The following FRMPD4 variants were observed in gnomAD, a reference collection of about 807,000 sequenced individuals.
FRMPD4 encodes FERM and PDZ domain-containing protein 4.
FRMPD4 carries 22 observed loss-of-function variants against 94.1 expected under a neutral mutation model. That is an observed-to-expected ratio of 0.23 (90% CI 0.17 to 0.33). FRMPD4 has a LOEUF of 0.33. Ranked by LOEUF, FRMPD4 falls within the 10% of genes least tolerant of loss-of-function variation. The probability of loss-of-function intolerance (pLI) is 1.00; values close to 1 mark genes in which losing one functional copy is unlikely to be tolerated. For missense variants in FRMPD4, 1,111 were observed against 1,339.9 expected, an observed-to-expected ratio of 0.83 and a Z score of 2.67; for synonymous variants, 631 against 548.6, an observed-to-expected ratio of 1.15 and a Z score of -2.10.
chrX:12,545,146 G>A (rs1488262582), intron 2 of FRMPD4, among the ~76,000 whole-genome samples: 1 of 112,074 alleles, frequency 8.9e-6, no homozygotes, highest in Non-Finnish European at 1.9e-5. Context: ...GAATTTTGTT[G>A]ATTCTAGAGG....
chrX:12,143,476 G>A (rs1223098417), intron 1 of FRMPD4, among the ~76,000 whole-genome samples: 2 of 112,629 alleles, frequency 1.8e-5, no homozygotes, highest in South Asian at 3.7e-4. Flanking sequence ...AGATGCCACA[G>A]AGACCTTATG....
intron 1 of FRMPD4, among the ~76,000 whole-genome samples, chrX:12,242,985 T>G (rs1352571389): frequency 8.9e-6 from 1 of 112,602 alleles, no homozygotes; most frequent in Non-Finnish European, 1.9e-5. Flanking sequence ...GCAATCCTCC[T>G]TCCTTGGCCT....
At chrX:11,917,745 AG>A (rs922661098) in intron 3 of FRMPD4, among the ~76,000 whole-genome samples, 2 of 111,086 alleles carry the variant, frequency 1.8e-5, no homozygotes, top group African/African-American at 6.6e-5. Context: ...GGAGGGAGGA[AG>A]GGAGGGAGGA....
chrX:11,969,008 G>A (rs2054326289), intron 3 of FRMPD4, among the ~76,000 whole-genome samples: 1 of 112,283 alleles, frequency 8.9e-6, no homozygotes, highest in Non-Finnish European at 1.9e-5. Flanking sequence ...CTTATGTGAG[G>A]CAGTGAAATT....
At chrX:12,318,781 G>A (rs2055163682) in intron 1 of FRMPD4, among the ~76,000 whole-genome samples, 1 of 110,939 alleles carries the variant, frequency 9.0e-6, no homozygotes, top group Non-Finnish European at 1.9e-5. Flanking sequence ...GATTTGGAAT[G>A]TTCCCAACAC....
chrX:11,883,832 G>A (rs369084490), intron 3 of FRMPD4, among the ~76,000 whole-genome samples: 8 of 112,062 alleles, frequency 7.1e-5, no homozygotes, highest in African/African-American at 1.9e-4. Flanking sequence ...CAAGTTATTG[G>A]GTCTGACTTG....
At chrX:12,694,524 A>G in intron 9 of FRMPD4, 70 bp downstream of exon 9, 1 of 826,834 alleles carries the variant, frequency 1.2e-6, no homozygotes, top group Non-Finnish European at 1.8e-6. Context: ...TTTGCCCTGA[A>G]TTCTTTAACT....
intron 2 of FRMPD4, among the ~76,000 whole-genome samples, chrX:12,502,755 G>A (rs1272188262): frequency 8.9e-6 from 1 of 111,758 alleles, no homozygotes; most frequent in East Asian, 2.8e-4. Context: ...ATACATAGAT[G>A]GATATAGACT....
intron 1 of FRMPD4, among the ~76,000 whole-genome samples, chrX:12,410,308 T>C (rs2056716007): frequency 8.9e-6 from 1 of 111,932 alleles, no homozygotes; most frequent in Non-Finnish European, 1.9e-5. Flanking sequence ...TTTACACACA[T>C]TCATTTCAAT....
chrX:12,265,760 C>T (rs182955138), intron 1 of FRMPD4, among the ~76,000 whole-genome samples: 7 of 109,995 alleles, frequency 6.4e-5, no homozygotes, highest in Admixed American at 5.8e-4. Context: ...GAACCCCCCC[C>T]CAAAACTGCA....
intron 1 of FRMPD4, among the ~76,000 whole-genome samples, chrX:12,293,147 G>A (rs893536934): frequency 6.3e-5 from 7 of 111,422 alleles, no homozygotes; most frequent in African/African-American, 2.3e-4. Flanking sequence ...GGCTAAACAC[G>A]CAGCTCGCAG....
intron 4 of FRMPD4, among the ~76,000 whole-genome samples, chrX:12,622,015 A>AAGGAAGGAAGGAAGGAAGG (rs1555995989): frequency 4.5e-5 from 1 of 22,003 alleles, no homozygotes; most frequent in Non-Finnish European, 8.3e-5. Flanking sequence ...AGAAAGAAAG[A>AAGGAAGGAAGGAAGGAAGG]AAGGAAGGAA....
intron 1 of FRMPD4, among the ~76,000 whole-genome samples, chrX:12,307,186 G>A (rs941285804): frequency 1.1e-4 from 12 of 112,228 alleles, no homozygotes; most frequent in African/African-American, 3.6e-4. Context: ...CATTGGAACT[G>A]TATATGCTGT....
chrX:12,310,368 A>G (rs1314105268), intron 1 of FRMPD4, among the ~76,000 whole-genome samples: 1 of 111,121 alleles, frequency 9.0e-6, no homozygotes, highest in Non-Finnish European at 1.9e-5. Context: ...AAGGTGGGGC[A>G]GGGCATATTC....
chrX:11,909,908 C>T (rs2053987550), intron 3 of FRMPD4, among the ~76,000 whole-genome samples: 1 of 110,686 alleles, frequency 9.0e-6, no homozygotes, highest in Non-Finnish European at 1.9e-5. Context: ...TTTTAATCAA[C>T]CATCTGAAAT....
intron 1 of FRMPD4, among the ~76,000 whole-genome samples, chrX:12,436,807 C>G (rs1231367231): frequency 9.0e-6 from 1 of 111,301 alleles, no homozygotes; most frequent in Non-Finnish European, 1.9e-5. Context: ...GTGTAATTGG[C>G]ATATTCATCA....
chrX:12,296,578 A>G (rs1479485591), intron 1 of FRMPD4, among the ~76,000 whole-genome samples: 2 of 112,076 alleles, frequency 1.8e-5, no homozygotes, highest in Non-Finnish European at 3.8e-5. Context: ...AGTCACTTCC[A>G]GCTTGCTGAG....
chrX:12,600,753 C>A (rs1411048752), intron 2 of FRMPD4, among the ~76,000 whole-genome samples: 3 of 112,084 alleles, frequency 2.7e-5, no homozygotes, highest in African/African-American at 9.7e-5. Context: ...TCGTTTTGTT[C>A]TAGTCAAAGC....
intron 1 of FRMPD4, among the ~76,000 whole-genome samples, chrX:12,184,176 C>G (rs780656291): frequency 9.0e-6 from 1 of 110,890 alleles, no homozygotes; most frequent in Non-Finnish European, 1.9e-5. Flanking sequence ...CCCATCATTA[C>G]TAACAGAAAT....
Sources: allele counts gnomAD v4.1 joint callset (sites outside exome capture counted in the v4.1 genomes callset), GRCh38; gene constraint gnomAD v4.1.1; transcripts MANE v1.5; gene names NCBI Gene and HGNC (gene_info 2026-07-23, HGNC 2026-07-21).